Variants in IKZF3 observed in about 807,000 individuals in gnomAD.
IKZF3 encodes the protein zinc finger protein Aiolos.
In IKZF3, 10 loss-of-function variants were observed where a neutral mutation model predicts 49.0. The ratio of observed to expected loss-of-function variants is 0.20; its 90% CI spans 0.13 to 0.35. The LOEUF (loss-of-function observed/expected upper bound fraction) is 0.35. Ranked by LOEUF, IKZF3 falls within the 10% of genes least tolerant of loss-of-function variation. The probability of loss-of-function intolerance (pLI) is 1.00; values close to 1 mark genes in which losing one functional copy is unlikely to be tolerated. For synonymous variants in IKZF3, 209 were observed against 228.2 expected (o/e 0.92, Z 0.76); for missense variants, 498 against 664.8 (o/e 0.75, Z 2.76).
intron 5 of IKZF3, among the ~76,000 whole-genome samples, chr17:39,790,019 C>T (rs2060978336): frequency 6.6e-6 from 1 of 152,134 alleles, no homozygotes; most frequent in African/African-American, 2.4e-5. Context: ...TGCCAACTCC[C>T]CAAATGCTTT....
intron 1 of IKZF3, chr17:39,839,500 T>A (rs926965690): frequency 9.2e-5 from 52 of 567,610 alleles, no homozygotes; most frequent in Non-Finnish European, 1.8e-4. Flanking sequence ...AATCACTTAA[T>A]CCTGAAAGTC....
rs144035817 is a variant in IKZF3 at position 39,860,285 on chromosome 17, A to C, written c.7+3835T>G. Among the ~76,000 whole-genome samples, 155 of 152,282 alleles carry C rather than the reference A, an allele frequency of 1.0e-3. 2 individuals are homozygous for C. The highest frequency in any genetic ancestry group is 3.5e-3 in the African/African-American group (146 of 41,568). On this transcript the variant is annotated intron_variant, in intron 1 of 7. Transcript: ENST00000346872. ...AAACTGGATGTCTGATAAAAGATCTACCAATAATCAATAATCTTTTAGTCC... is the reference window on the plus strand; with the variant it reads ...AAACTGGATGTCTGATAAAAGATCTCCCAATAATCAATAATCTTTTAGTCC...
chr17:39,799,306 C>T (rs943021352), intron 3 of IKZF3, among the ~76,000 whole-genome samples: 5 of 152,160 alleles, frequency 3.3e-5, no homozygotes, highest in Admixed American at 1.3e-4. Context: ...GCCCACGGTA[C>T]ATGTGACCTC....
intron 1 of IKZF3, among the ~76,000 whole-genome samples, chr17:39,837,685 C>T (rs2062337203): frequency 6.6e-6 from 1 of 151,510 alleles, no homozygotes; most frequent in African/African-American, 2.4e-5. Context: ...GTTGCCCAGG[C>T]TGAAGTGCAG....
chr17:39,856,826 T>C (rs898159512), intron 1 of IKZF3, among the ~76,000 whole-genome samples: 3 of 151,402 alleles, frequency 2.0e-5, no homozygotes, highest in Non-Finnish European at 4.4e-5. Context: ...ATAATAATAA[T>C]AATAATTTTA....
At position 39,788,361 on chromosome 17, in the gene IKZF3, G is replaced by A; in HGVS notation, c.606C>T (p.Tyr202=). ...HLRTHSVEKP[Y]KCEFCGRSYK... ...AACTCCTTCCACAAAACTCACATTT[G>A]TAGGGTTTCTCCACTAGAAGGAGAA... The change falls in exon 6 of 8, where the codon TAC becomes TAT. Residue 202 remains tyrosine (Y), a synonymous_variant. Transcript: ENST00000346872. The A allele has an allele frequency of 1.2e-6, 2 of 1,612,840 alleles. No individual in the cohort carries two copies. The highest frequency in any genetic ancestry group is 8.5e-7 in the Non-Finnish European group (1 of 1,179,008).
intron 1 of IKZF3, among the ~76,000 whole-genome samples, chr17:39,857,444 T>C (rs1052802381): frequency 6.6e-6 from 1 of 152,224 alleles, no homozygotes; most frequent in Non-Finnish European, 1.5e-5. Flanking sequence ...AAACATCTAT[T>C]GTGAAGAAAA....
chr17:39,778,577 C>G (rs1302437087), intron 6 of IKZF3, among the ~76,000 whole-genome samples: 2 of 152,106 alleles, frequency 1.3e-5, no homozygotes, highest in Non-Finnish European at 2.9e-5. Context: ...TGGAGGTGGG[C>G]AGATCACCTG....
chr17:39,789,095 G>A (rs1202265468), intron 5 of IKZF3, among the ~76,000 whole-genome samples: 1 of 152,106 alleles, frequency 6.6e-6, no homozygotes, highest in Non-Finnish European at 1.5e-5. Flanking sequence ...AGGCTTACAG[G>A]TGTGAGCCAT....
At chr17:39,776,292 C>T (rs1385700979) in intron 7 of IKZF3, among the ~76,000 whole-genome samples, 2 of 152,198 alleles carry the variant, frequency 1.3e-5, no homozygotes, top group Non-Finnish European at 2.9e-5. Flanking sequence ...AAAATACACT[C>T]AGAATAATAA....
Position 39,761,492 on chromosome 17 carries a change from T to C in IKZF3, c.*4298A>G, listed in dbSNP as rs1192304776. ...AGCTACTTGGGAGGCTGAGGCAGGATTGCTTGAGCACAGGAGTTTGAGTCT... is the reference window on the plus strand; with the variant it reads ...AGCTACTTGGGAGGCTGAGGCAGGACTGCTTGAGCACAGGAGTTTGAGTCT... On this transcript the variant is annotated 3_prime_UTR_variant, in exon 8 of 8. Coordinates refer to ENST00000346872, the MANE Select transcript of IKZF3 (RefSeq NM_012481.5). 6.6e-6 allele frequency: 1 copy of C among 152,080 alleles called. No individual in the cohort carries two copies. The highest frequency in any genetic ancestry group is 1.5e-5 in the Non-Finnish European group (1 of 68,062). The allele number at this position is 152,080 out of a possible 1,614,324, so 9.4% of individuals were successfully genotyped here.
chr17:39,811,235 T>TGAAAGAAAGAAA (rs71152603), intron 3 of IKZF3, among the ~76,000 whole-genome samples: 86,605 of 141,130 alleles, frequency 0.61, 27,060 homozygotes, highest in East Asian at 0.78. Context: ...AGACCCTGTC[T>TGAAAGAAAGAAA]GAAAGAAAGA....
In IKZF3 at chr17:39,789,323, C is replaced by T. The variant is rs536005223; in HGVS notation, c.593-949G>A. Among the ~76,000 whole-genome samples, 11 of 152,014 alleles carry T rather than the reference C, an allele frequency of 7.2e-5. No homozygotes were observed. The South Asian group carries it at 2.1e-3, about 29-fold the overall frequency. ...CTCACGCCTGTAATCTCAGCACTTTCGGAGGCCGAGGCAGGCGGATCACGA... is the reference window on the plus strand; with the variant it reads ...CTCACGCCTGTAATCTCAGCACTTTTGGAGGCCGAGGCAGGCGGATCACGA... On this transcript the variant is annotated intron_variant, in intron 5 of 7. Transcript: ENST00000346872.
intron 1 of IKZF3, among the ~76,000 whole-genome samples, chr17:39,837,739 T>C (rs9898464): frequency 0.058 from 8,786 of 151,956 alleles, 398 homozygotes; most frequent in African/African-American, 0.12. Context: ...CCCAGGTTCA[T>C]GCCATTCTCC....
At position 39,764,941 on chromosome 17, in the gene IKZF3, T is replaced by C. The variant is rs2941509; in HGVS notation, c.*849A>G. The stretch of plus-strand genomic sequence containing the variant: ...AGAAGTTTTAGGTAGCTGTTTTTTG[T>C]TTGTTTGTTTTCTGTTGGTGCTGCC... On this transcript the variant is annotated 3_prime_UTR_variant, in exon 8 of 8. Transcript: ENST00000346872. The C allele has an allele frequency of 0.91, 138,783 of 152,356 alleles. 63,826 individuals are homozygous for C. Among genetic ancestry groups the C allele is most frequent in the East Asian group, 1 (5,316 of 5,326 alleles). The allele number at this position is 152,356 out of a possible 1,614,324, so 9.4% of individuals were successfully genotyped here. A position where few individuals can be genotyped will look rare whatever the true frequency, so the allele number is the denominator to read the frequency against.
At chr17:39,836,768 A>G (rs2062297314) in intron 1 of IKZF3, among the ~76,000 whole-genome samples, 2 of 152,052 alleles carry the variant, frequency 1.3e-5, no homozygotes, top group African/African-American at 4.8e-5. Flanking sequence ...CCCATTTCCT[A>G]CCCTCCAACC....
intron 3 of IKZF3, among the ~76,000 whole-genome samples, chr17:39,823,397 A>C (rs985459702): frequency 6.6e-6 from 1 of 152,168 alleles, no homozygotes; most frequent in African/African-American, 2.4e-5. Context: ...AGTTTGGAAA[A>C]TTTGCAGCCT....
chr17:39,788,164 G>T, intron 6 of IKZF3, 94 bp downstream of exon 6: 1 of 737,874 alleles, frequency 1.4e-6, no homozygotes, highest in Non-Finnish European at 2.3e-6. Context: ...TCTGCCCCCA[G>T]TAAAATATAA....
intron 7 of IKZF3, among the ~76,000 whole-genome samples, chr17:39,768,548 G>T (rs188176842): frequency 1.3e-4 from 20 of 152,336 alleles, no homozygotes; most frequent in African/African-American, 4.8e-4. Context: ...AGATGGGCTG[G>T]GTTTGATGCT....
Sources: gnomAD v4.1 joint callset for allele counts (sites outside exome capture counted in the v4.1 genomes callset) on GRCh38, gnomAD v4.1.1 for gene constraint, MANE v1.5 for transcripts, NCBI Gene and HGNC (gene_info 2026-07-23, HGNC 2026-07-21) for gene names.